PCDHA3: variants seen among roughly 807,000 people sequenced by gnomAD.
PCDHA3 encodes the protein protocadherin alpha 3, also known as protocadherin alpha-3.
In PCDHA3, 41 loss-of-function variants were observed where a neutral mutation model predicts 62.2. The ratio of observed to expected loss-of-function variants is 0.66; its 90% CI spans 0.51 to 0.86. The LOEUF (loss-of-function observed/expected upper bound fraction) is 0.86. Among genes scored for constraint, PCDHA3 ranks in the 40% least tolerant of loss-of-function variants. The probability of loss-of-function intolerance (pLI) is 0.00; values close to 1 mark genes in which losing one functional copy is unlikely to be tolerated. For missense variants in PCDHA3, 1,304 were observed against 1,241.2 expected (o/e 1.05, Z -0.76); for synonymous variants, 640 against 555.4 (o/e 1.15, Z -2.14).
chr5:141,001,387 C>T (rs1282982040), intron 3 of PCDHA3, among the ~76,000 whole-genome samples: 3 of 152,188 alleles, frequency 2.0e-5, no homozygotes, highest in African/African-American at 7.2e-5. Context: ...GCCTAAGATC[C>T]TACAGAGAAC....
At position 140,825,360 on chromosome 5, in the gene PCDHA3, A is replaced by G. The variant is rs1051458898; in HGVS notation, c.2394+21769A>G. 2.7e-5 allele frequency: 4 copies of G among 147,186 alleles called. No homozygotes were observed. The South Asian group carries it at 6.3e-4, about 23-fold the overall frequency. 9.1% of individuals were successfully genotyped at this position (147,186 alleles called of 1,614,324 possible). A position where few individuals can be genotyped will look rare whatever the true frequency, so the allele number is the denominator to read the frequency against. ...TTTCAATATATCTAATATATATTAG[A>G]TATATAAATATCTAAAATATCTAAT... On this transcript the variant is annotated intron_variant, in intron 1 of 3. Coordinates refer to ENST00000522353, the MANE Select transcript of PCDHA3 (RefSeq NM_018906.3).
intron 1 of PCDHA3, among the ~76,000 whole-genome samples, chr5:140,903,535 G>A (rs1311718035): frequency 3.3e-5 from 5 of 152,178 alleles, no homozygotes; most frequent in African/African-American, 1.2e-4. Flanking sequence ...CTTTAAACTA[G>A]AGCAAGAAAC....
intron 1 of PCDHA3, among the ~76,000 whole-genome samples, chr5:140,888,064 G>A (rs1353857736): frequency 6.6e-6 from 1 of 151,950 alleles, no homozygotes; most frequent in Non-Finnish European, 1.5e-5. Context: ...TAACTTTCTT[G>A]TCTGCTAATT....
chr5:140,854,012 A>G (rs1356134246), intron 1 of PCDHA3: 2 of 368,086 alleles, frequency 5.4e-6, no homozygotes, highest in African/African-American at 4.5e-5. Flanking sequence ...AAAAAAAAAA[A>G]TTAGCCGGGC....
chr5:140,807,017 G>C lies in PCDHA3; in HGVS notation c.2394+3426G>C. Reference sequence around the variant, plus strand: ...TGTCGCTCTTTACCACAAAATACATGAGAGAAGGAGGAAGAAGGGAAAATT... The same window carrying C: ...TGTCGCTCTTTACCACAAAATACATCAGAGAAGGAGGAAGAAGGGAAAATT... On this transcript the variant is annotated intron_variant, in intron 1 of 3. Transcript: ENST00000522353. 3.7e-6 allele frequency: 3 copies of C among 805,674 alleles called. No individual in the cohort carries two copies. The South Asian group carries it at 5.4e-5, about 15-fold the overall frequency. The allele number at this position is 805,674 out of a possible 1,614,324, so 49.9% of individuals were successfully genotyped here.
chr5:140,883,336 A>G, intron 1 of PCDHA3: 1 of 1,613,866 alleles, frequency 6.2e-7, no homozygotes, highest in Non-Finnish European at 8.5e-7. Flanking sequence ...CTTCTTTGTC[A>G]CTCCCCATCA....
At chr5:140,849,750 T>G in intron 1 of PCDHA3, 1 of 1,598,370 alleles carries the variant, frequency 6.3e-7, no homozygotes, top group Admixed American at 1.7e-5. Context: ...CGAGAGTGTG[T>G]CCGCCTACGA....
At chr5:140,976,518 A>G (rs2096720750) in intron 1 of PCDHA3, among the ~76,000 whole-genome samples, 1 of 152,070 alleles carries the variant, frequency 6.6e-6, no homozygotes, top group Admixed American at 6.6e-5. Flanking sequence ...GCCACTGCAC[A>G]CCAGCCTAAA....
intron 1 of PCDHA3, chr5:140,823,626 G>T: frequency 6.2e-7 from 1 of 1,614,032 alleles, no homozygotes; most frequent in Non-Finnish European, 8.5e-7. Flanking sequence ...CTGGCAGTGC[G>T]CGCATCCCGT....
At chr5:140,862,916 G>T (rs1581662111) in intron 1 of PCDHA3, 1 of 547,888 alleles carries the variant, frequency 1.8e-6, no homozygotes, top group Non-Finnish European at 3.5e-6. Context: ...CTGGCGCCTT[G>T]GGTGGGCTGG....
chr5:140,925,299 T>C (rs2082428309), intron 1 of PCDHA3, among the ~76,000 whole-genome samples: 1 of 152,200 alleles, frequency 6.6e-6, no homozygotes, highest in African/African-American at 2.4e-5. Context: ...GTTTCATTAT[T>C]GGGGCTTTGG....
chr5:140,828,251 C>T (rs1278959274), intron 1 of PCDHA3: 6 of 1,614,002 alleles, frequency 3.7e-6, no homozygotes, highest in Non-Finnish European at 5.1e-6. Context: ...GGACCTGGGG[C>T]TGGAGCTGGC....
chr5:140,856,835 C>T, intron 1 of PCDHA3: 2 of 1,591,090 alleles, frequency 1.3e-6, no homozygotes, highest in Non-Finnish European at 1.7e-6. Flanking sequence ...AGTAATACGG[C>T]TCAACGCTTC....
chr5:140,816,790 CA>C (rs1437994135), intron 1 of PCDHA3: 3 of 151,774 alleles, frequency 2.0e-5, no homozygotes, highest in Non-Finnish European at 4.4e-5. Flanking sequence ...AGGGATCTGC[CA>C]GCTTTTTTTT....
chr5:140,876,106 C>G, intron 1 of PCDHA3: 1 of 1,613,942 alleles, frequency 6.2e-7, no homozygotes, highest in Admixed American at 1.7e-5. Context: ...CAATTTATTG[C>G]TGATGGTAAT....
At chr5:140,902,208 T>TC (rs1462936622) in intron 1 of PCDHA3, among the ~76,000 whole-genome samples, 2 of 149,762 alleles carry the variant, frequency 1.3e-5, no homozygotes, top group East Asian at 3.9e-4. Flanking sequence ...TCTTTCTTTT[T>TC]TTTTTTTTTT....
At chr5:140,805,607 C>CTTTTT in intron 1 of PCDHA3, 1 of 920,976 alleles carries the variant, frequency 1.1e-6, no homozygotes, top group African/African-American at 1.8e-5. Flanking sequence ...TATTAAATTT[C>CTTTTT]TTTATGTAAG....
At chr5:140,985,075 C>G (rs1477852280) in intron 3 of PCDHA3, among the ~76,000 whole-genome samples, 2 of 151,968 alleles carry the variant, frequency 1.3e-5, no homozygotes, top group Non-Finnish European at 2.9e-5. Context: ...GTAGCTGAGA[C>G]TACAGGCGTG....
At chr5:140,937,568 G>T (rs1342447969) in intron 1 of PCDHA3, among the ~76,000 whole-genome samples, 1 of 151,920 alleles carries the variant, frequency 6.6e-6, no homozygotes, top group East Asian at 1.9e-4. Context: ...AGTGAGCTGG[G>T]ATCGCGTCAC....
Sources: allele counts gnomAD v4.1 joint callset (sites outside exome capture counted in the v4.1 genomes callset), GRCh38; gene constraint gnomAD v4.1.1; transcripts MANE v1.5; gene names NCBI Gene and HGNC (gene_info 2026-07-23, HGNC 2026-07-21).